Variants in ITGB3 observed in about 807,000 individuals in gnomAD.
ITGB3 encodes integrin beta-3.
ITGB3 carries 48 observed loss-of-function variants against 85.8 expected under a neutral mutation model. That is an observed-to-expected ratio of 0.56 (90% confidence interval 0.44 to 0.71). The LOEUF is 0.71. Among genes scored for constraint, ITGB3 ranks in the 30% least tolerant of loss-of-function variants. The pLI, the probability that ITGB3 is intolerant of heterozygous loss-of-function variation, is 0.00. For missense variants in ITGB3, 861 were observed against 1,019.1 expected (o/e 0.84, Z 2.11); for synonymous variants, 363 against 395.6 (o/e 0.92, Z 0.98).
intron 13 of ITGB3, chr17:47,305,508 C>T (rs1204611272): frequency 6.6e-6 from 1 of 152,200 alleles, no homozygotes; most frequent in African/African-American, 2.4e-5. Context: ...GGAATAAGAT[C>T]ACCTATTAGA....
At chr17:47,256,400 C>T (rs1336788452) in intron 1 of ITGB3, among the ~76,000 whole-genome samples, 2 of 152,056 alleles carry the variant, frequency 1.3e-5, no homozygotes, top group South Asian at 2.1e-4. Context: ...GAGCTAGCCC[C>T]ACACTCTCTC....
intron 14 of ITGB3, among the ~76,000 whole-genome samples, chr17:47,309,174 A>G (rs9303533): frequency 0.49 from 74,389 of 150,776 alleles, 19,014 homozygotes; most frequent in African/African-American, 0.61. Flanking sequence ...CACCCTCCCA[A>G]GTAGCCAGGA....
chr17:47,300,619 TA>T (rs2065164013), intron 12 of ITGB3, 41 bp downstream of exon 12: 8 of 1,434,436 alleles, frequency 5.6e-6, no homozygotes, highest in South Asian at 1.2e-5. Context: ...ACCCAGGTTC[TA>T]AATGTTTCTA....
chr17:47,294,812 G>A (rs1427564808), intron 10 of ITGB3, among the ~76,000 whole-genome samples: 1 of 152,222 alleles, frequency 6.6e-6, no homozygotes, highest in African/African-American at 2.4e-5. Context: ...AGAGCTGCTG[G>A]CTCTATGCTT....
Position 47,287,298 on chromosome 17 carries a change from G to A in ITGB3, c.939+67G>A, listed in dbSNP as rs972589767. 70 of 1,579,414 alleles carry A rather than the reference G, an allele frequency of 4.4e-5. No individual in the cohort carries two copies. The Admixed American group carries it at 1.2e-3, about 26-fold the overall frequency. ...TGAGGGTTGCCCTAATCTAGGCAGA[G>A]TCTGTGTGAATATGAAAATGGCAGC... On this transcript the variant is annotated intron_variant, in intron 6 of 14. Transcript: ENST00000559488.
intron 2 of ITGB3, among the ~76,000 whole-genome samples, chr17:47,277,619 C>CTT (rs1048771914): frequency 3.3e-5 from 5 of 152,198 alleles, no homozygotes; most frequent in African/African-American, 1.2e-4. Flanking sequence ...AGAACATCCA[C>CTT]TTAAATTTGA....
intron 1 of ITGB3, among the ~76,000 whole-genome samples, chr17:47,256,179 T>C (rs1281674538): frequency 6.6e-6 from 1 of 152,106 alleles, no homozygotes; most frequent in Non-Finnish European, 1.5e-5. Context: ...TCCTTTAAGA[T>C]ATCTGGTCAG....
chr17:47,282,642 G>A (rs1304947032), intron 2 of ITGB3, among the ~76,000 whole-genome samples: 1 of 152,120 alleles, frequency 6.6e-6, no homozygotes, highest in African/African-American at 2.4e-5. Context: ...TAAGTCCTAG[G>A]TCGGATGCTG....
rs532503966 is a variant in ITGB3, at chr17:47,289,513, T to C, written c.940-168T>C. ...AATAAAAAAAATTTTTTTGTAGAGA[T>C]GGGGTCTTGCTATGTTGCCCAGGCT... On this transcript the variant is annotated intron_variant, in intron 6 of 14. Transcript: ENST00000559488. Among the ~76,000 whole-genome samples the C allele has an allele frequency of 2.6e-5, 4 of 152,244 alleles. No individual in the cohort carries two copies. The East Asian group carries it at 7.7e-4, about 29-fold the overall frequency.
intron 13 of ITGB3, 99 bp downstream of exon 13, chr17:47,302,939 G>C: frequency 7.1e-7 from 1 of 1,406,376 alleles, no homozygotes; most frequent in Non-Finnish European, 9.9e-7. Context: ...AAGCAAAACA[G>C]GTTAAGCCTG....
chr17:47,285,160 A>G (rs570175971), intron 4 of ITGB3, among the ~76,000 whole-genome samples: 3 of 152,360 alleles, frequency 2.0e-5, no homozygotes, highest in East Asian at 3.9e-4. Context: ...GGACACTTTT[A>G]TAGTCTGTAA....
chr17:47,312,146 A>G lies in ITGB3; in HGVS notation c.*1942A>G, dbSNP rs1267185146. Among the ~76,000 whole-genome samples, 1 of 152,230 alleles carries G rather than the reference A, an allele frequency of 6.6e-6. No individual in the cohort carries two copies. The highest frequency in any genetic ancestry group is 1.5e-5 in the Non-Finnish European group (1 of 68,038). On this transcript the variant is annotated 3_prime_UTR_variant, in exon 15 of 15. Coordinates refer to ENST00000559488, the MANE Select transcript of ITGB3 (RefSeq NM_000212.3). Reference sequence around the variant, plus strand: ...ATCCTCTCTCCAAACCCGTTTTCCAACATTTGTTAATAGTTACGTCTCTCC... The same window carrying G: ...ATCCTCTCTCCAAACCCGTTTTCCAGCATTTGTTAATAGTTACGTCTCTCC...
chr17:47,253,997 C>G, intron 1 of ITGB3, 57 bp downstream of exon 1: 1 of 1,153,816 alleles, frequency 8.7e-7, no homozygotes, highest in Non-Finnish European at 1.1e-6. Context: ...GCGCCCCGGT[C>G]AAGTTGCGGA....
chr17:47,308,162 A>ATAAT (rs1241428020), intron 14 of ITGB3, among the ~76,000 whole-genome samples: 1 of 146,632 alleles, frequency 6.8e-6, no homozygotes, highest in Non-Finnish European at 1.5e-5. Context: ...GGTCTCAAAA[A>ATAAT]TAATAATAAT....
intron 2 of ITGB3, 55 bp from the exon 3 acceptor site, chr17:47,283,299 A>C: frequency 5.1e-5 from 80 of 1,558,838 alleles, no homozygotes; most frequent in Non-Finnish European, 6.3e-5. Context: ...TGCAGGAGGT[A>C]GAGAGTCGCC....
At chr17:47,277,303 G>T (rs1323702732) in intron 2 of ITGB3, among the ~76,000 whole-genome samples, 9 of 152,160 alleles carry the variant, frequency 5.9e-5, no homozygotes, top group Non-Finnish European at 1.0e-4. Context: ...AGCTTCCCGG[G>T]ATGGATCCTG....
intron 2 of ITGB3, among the ~76,000 whole-genome samples, chr17:47,277,387 T>C (rs1408495184): frequency 6.6e-6 from 1 of 152,124 alleles, no homozygotes; most frequent in Non-Finnish European, 1.5e-5. Flanking sequence ...CCACTGGGGT[T>C]GGGTCAAGGT....
chr17:47,256,211 A>G (rs1391323270), intron 1 of ITGB3, among the ~76,000 whole-genome samples: 1 of 152,130 alleles, frequency 6.6e-6, no homozygotes, highest in Non-Finnish European at 1.5e-5. Flanking sequence ...CACGCCTGTA[A>G]TCCCAGCACT....
rs2065221371 is a variant in ITGB3, at chr17:47,312,937, C to T, written c.*2733C>T. Among the ~76,000 whole-genome samples, 1 of 152,082 alleles carries T rather than the reference C, an allele frequency of 6.6e-6. No individual in the cohort carries two copies. Among genetic ancestry groups the T allele is most frequent in the African/African-American group, 2.4e-5 (1 of 41,408 alleles). ...CCTGACAAGTTGCCATATTAGGAGT[C>T]AGTTCTTTACTTCTCTGAGATTCCC... On this transcript the variant is annotated 3_prime_UTR_variant, in exon 15 of 15. Transcript: ENST00000559488.
Sources: allele counts gnomAD v4.1 joint callset (sites outside exome capture counted in the v4.1 genomes callset), GRCh38; gene constraint gnomAD v4.1.1; transcripts MANE v1.5; gene names NCBI Gene and HGNC (gene_info 2026-07-23, HGNC 2026-07-21).